Variants in RPS6KC1 observed in about 807,000 individuals in gnomAD.
The protein encoded by RPS6KC1 is inactive ribosomal protein S6 kinase delta-1.
A neutral mutation model predicts 103.8 loss-of-function variants in RPS6KC1; 54 were observed. That is an observed-to-expected ratio of 0.52 (90% CI 0.42 to 0.65). The LOEUF (loss-of-function observed/expected upper bound fraction) is 0.65. Among genes scored for constraint, RPS6KC1 ranks in the 30% least tolerant of loss-of-function variants. RPS6KC1 has a pLI of 0.00. For synonymous variants in RPS6KC1, 439 were observed against 438.7 expected, an observed-to-expected ratio of 1.00 and a Z score of -0.01; for missense variants, 1,151 against 1,253.8, an observed-to-expected ratio of 0.92 and a Z score of 1.24.
chr1:213,463,426 T>C, the RPS6KC1 span, among the ~76,000 whole-genome samples: 1 of 152,196 alleles, frequency 6.6e-6, no homozygotes, highest in Non-Finnish European at 1.5e-5. Flanking sequence ...TTGAGATAAT[T>C]GTAGACTCAT....
chr1:213,514,271 G>A, the RPS6KC1 span, among the ~76,000 whole-genome samples: 1 of 152,086 alleles, frequency 6.6e-6, no homozygotes, highest in Non-Finnish European at 1.5e-5. Flanking sequence ...GGGTACATGT[G>A]CACAACGTGC....
At chr1:213,150,154 A>G (rs1480489021) in intron 6 of RPS6KC1, among the ~76,000 whole-genome samples, 1 of 152,036 alleles carries the variant, frequency 6.6e-6, no homozygotes, top group African/African-American at 2.4e-5. Flanking sequence ...GTTATTATTT[A>G]TAAGTAAGGA....
intron 6 of RPS6KC1, among the ~76,000 whole-genome samples, chr1:213,161,325 CTT>C (rs1320980528): frequency 2.8e-5 from 4 of 145,330 alleles, no homozygotes; most frequent in Admixed American, 6.9e-5. Context: ...TTGACTCATT[CTT>C]TTTTTTTTTT....
At chr1:213,793,908 T>C in the RPS6KC1 span, among the ~76,000 whole-genome samples, 63 of 152,204 alleles carry the variant, frequency 4.1e-4, no homozygotes, top group African/African-American at 1.4e-3. Context: ...TTCTTTTTTT[T>C]CCCCAGAAAT....
the RPS6KC1 span, among the ~76,000 whole-genome samples, chr1:213,343,391 G>GTATATATATA: frequency 3.0e-5 from 2 of 65,914 alleles, no homozygotes; most frequent in African/African-American, 6.1e-5. Flanking sequence ...AGTGTTGTGT[G>GTATATATATA]TATATATATA....
the RPS6KC1 span, among the ~76,000 whole-genome samples, chr1:213,327,445 T>C: frequency 8.5e-5 from 13 of 152,208 alleles, no homozygotes; most frequent in Non-Finnish European, 1.5e-4. Context: ...GGCATGTGCC[T>C]CCAGCCATGG....
At chr1:213,309,117 C>G in the RPS6KC1 span, among the ~76,000 whole-genome samples, 1 of 152,008 alleles carries the variant, frequency 6.6e-6, no homozygotes, top group African/African-American at 2.4e-5. Flanking sequence ...TGGTGAAACC[C>G]CATCTCTACT....
At chr1:213,748,254 G>T in the RPS6KC1 span, among the ~76,000 whole-genome samples, 1 of 152,194 alleles carries the variant, frequency 6.6e-6, no homozygotes, top group Admixed American at 6.5e-5. Flanking sequence ...GGGACTTCCA[G>T]AAAGTGCCAT....
At chr1:213,700,964 T>C in the RPS6KC1 span, among the ~76,000 whole-genome samples, 2 of 152,048 alleles carry the variant, frequency 1.3e-5, no homozygotes, top group African/African-American at 4.8e-5. Context: ...GTGGAGTCTT[T>C]AGCCTTTTCC....
the RPS6KC1 span, among the ~76,000 whole-genome samples, chr1:213,299,792 C>G: frequency 6.6e-6 from 1 of 152,114 alleles, no homozygotes; most frequent in Middle Eastern, 3.4e-3. Flanking sequence ...AATTCAGATG[C>G]TAAATTCTTT....
the RPS6KC1 span, among the ~76,000 whole-genome samples, chr1:213,716,261 C>T: frequency 6.6e-6 from 1 of 152,168 alleles, no homozygotes; most frequent in Non-Finnish European, 1.5e-5. Flanking sequence ...ATGGTTTGAG[C>T]ACCCACTTGG....
chr1:213,340,893 C>T, the RPS6KC1 span, among the ~76,000 whole-genome samples: 31,678 of 152,188 alleles, frequency 0.21, 3,452 homozygotes, highest in South Asian at 0.25. Flanking sequence ...AGGGCCAAGC[C>T]GTGTAGTGGC....
At chr1:213,114,848 A>G (rs1297579940) in intron 4 of RPS6KC1, among the ~76,000 whole-genome samples, 1 of 152,114 alleles carries the variant, frequency 6.6e-6, no homozygotes, top group Non-Finnish European at 1.5e-5. Flanking sequence ...TATATGCTGG[A>G]TTACATTTAT....
chr1:213,429,550 A>G, the RPS6KC1 span, among the ~76,000 whole-genome samples: 2 of 152,204 alleles, frequency 1.3e-5, no homozygotes, highest in Non-Finnish European at 2.9e-5. Context: ...GGCTTTTTCA[A>G]GAATACTTTT....
the RPS6KC1 span, among the ~76,000 whole-genome samples, chr1:213,352,887 G>A: frequency 6.6e-6 from 1 of 152,208 alleles, no homozygotes; most frequent in Non-Finnish European, 1.5e-5. Flanking sequence ...AGGTGTGGAA[G>A]ATATGTACTG....
At chr1:213,125,970 A>G (rs997911562) in intron 5 of RPS6KC1, 1 of 152,108 alleles carries the variant, frequency 6.6e-6, no homozygotes, top group Non-Finnish European at 1.5e-5. Context: ...GGGGCAAAAC[A>G]TGAAACAGAA....
chr1:213,373,851 G>A, the RPS6KC1 span, among the ~76,000 whole-genome samples: 1 of 152,174 alleles, frequency 6.6e-6, no homozygotes, highest in Admixed American at 6.5e-5. Flanking sequence ...ATTTCAAGAA[G>A]GATCTGTTTG....
the RPS6KC1 span, among the ~76,000 whole-genome samples, chr1:213,402,958 C>A: frequency 2.7e-3 from 305 of 111,304 alleles, no homozygotes; most frequent in East Asian, 3.8e-3. Context: ...ACTAAAAATA[C>A]AAAAAAAAAA....
At chr1:213,612,152 C>T in the RPS6KC1 span, among the ~76,000 whole-genome samples, 9 of 152,174 alleles carry the variant, frequency 5.9e-5, no homozygotes, top group Non-Finnish European at 1.3e-4. Context: ...TGGGCTCCAC[C>T]CCAGACCTAC....
Sources: gnomAD v4.1 joint callset for allele counts (sites outside exome capture counted in the v4.1 genomes callset) on GRCh38, gnomAD v4.1.1 for gene constraint, MANE v1.5 for transcripts, NCBI Gene and HGNC (gene_info 2026-07-23, HGNC 2026-07-21) for gene names.